OR2AT4: variants seen among roughly 807,000 people sequenced by gnomAD.
OR2AT4 encodes the protein olfactory receptor 2AT4.
In OR2AT4, 6 loss-of-function variants were observed where a neutral mutation model predicts 10.3. That is an observed-to-expected ratio of 0.58 (90% confidence interval 0.32 to 1.15). OR2AT4 has a LOEUF of 1.15. Ranked by LOEUF, OR2AT4 falls within the 50% of genes most tolerant of loss-of-function variation. The probability of loss-of-function intolerance (pLI) is 0.05; values close to 1 mark genes in which losing one functional copy is unlikely to be tolerated. For missense variants in OR2AT4, 354 were observed against 393.8 expected (o/e 0.90, Z 0.85); for synonymous variants, 145 against 159.1 (o/e 0.91, Z 0.67).
exon 2 of OR2AT4, chr11:75,086,635 A>G (rs1177892133): frequency 6.6e-6 from 1 of 152,224 alleles, no homozygotes; most frequent in South Asian, 2.1e-4. Flanking sequence ...TACAACCACA[A>G]TAAGATACCA....
intron 1 of OR2AT4, among the ~76,000 whole-genome samples, chr11:75,093,810 C>CTTTTTTTTTTTTTTTTTTTTTTTTTT (rs556380402): frequency 1.0e-3 from 63 of 61,830 alleles, no homozygotes; most frequent in Non-Finnish European, 1.2e-3. Context: ...TTTTCTTTTT[C>CTTTTTTTTTTTTTTTTTTTTTTTTTT]TTTTTTTTTT....
exon 2 of OR2AT4, chr11:75,088,289 T>A (rs1423632096): frequency 6.6e-6 from 1 of 152,582 alleles, no homozygotes; most frequent in African/African-American, 2.4e-5. Flanking sequence ...TTTTTCTACA[T>A]GCATATTGTC....
chr11:75,088,787 G>A (rs1359435596), exon 2 of OR2AT4: 2 of 1,584,560 alleles, frequency 1.3e-6, no homozygotes, highest in Non-Finnish European at 1.7e-6. Context: ...CTTGAGACAT[G>A]ATTTTGGTGA....
At chr11:75,090,049 T>C (rs1195664933) in exon 2 of OR2AT4, 1 of 245,328 alleles carries the variant, frequency 4.1e-6, no homozygotes, top group Non-Finnish European at 7.8e-6. Flanking sequence ...TATATTTTAC[T>C]GGGAAAATCA....
intron 1 of OR2AT4, among the ~76,000 whole-genome samples, chr11:75,095,903 C>A (rs1949347213): frequency 2.0e-5 from 3 of 152,122 alleles, no homozygotes; most frequent in Admixed American, 6.5e-5. Flanking sequence ...GTCTTGAAGT[C>A]CTGATCTCAA....
intron 1 of OR2AT4, among the ~76,000 whole-genome samples, chr11:75,091,191 G>A (rs1949318901): frequency 6.6e-6 from 1 of 152,180 alleles, no homozygotes; most frequent in Non-Finnish European, 1.5e-5. Context: ...AAAGAGAAGG[G>A]AGGAATCTGT....
At chr11:75,085,513 G>A (rs900616593) in exon 2 of OR2AT4, 2 of 151,992 alleles carry the variant, frequency 1.3e-5, no homozygotes, top group African/African-American at 4.8e-5. Context: ...ATTTTATGAG[G>A]CCAGCATTTA....
chr11:75,082,277 G>A (rs1033125256), exon 2 of OR2AT4: 36 of 152,186 alleles, frequency 2.4e-4, no homozygotes, highest in African/African-American at 7.7e-4. Flanking sequence ...TATGGGAAAA[G>A]GACTCCCTCT....
At chr11:75,089,069 G>C in exon 2 of OR2AT4, 1 of 1,614,036 alleles carries the variant, frequency 6.2e-7, no homozygotes, top group Non-Finnish European at 8.5e-7. Flanking sequence ...CCAGGAGAAG[G>C]GGGAGGAAGG....
chr11:75,087,823 T>C (rs1406151158), exon 2 of OR2AT4: 3 of 152,248 alleles, frequency 2.0e-5, no homozygotes, highest in Admixed American at 6.5e-5. Context: ...TTCTTTGAAC[T>C]ATGTAAAAAT....
chr11:75,095,023 C>A (rs189106870), intron 1 of OR2AT4, among the ~76,000 whole-genome samples: 4 of 152,310 alleles, frequency 2.6e-5, no homozygotes, highest in Admixed American at 2.6e-4. Flanking sequence ...CCGAGTTAGG[C>A]TGAATTGGGG....
chr11:75,089,136 G>A lies in OR2AT4; in HGVS notation c.578C>T (p.Ser193Phe), dbSNP rs201561815. The change falls in exon 2 of 2, where the codon TCC becomes TTC. Residue 193 changes from serine (S) to phenylalanine (F), a missense_variant. Ser to Phe is a radical substitution (Grantham distance 155). Coordinates refer to ENST00000641504, the Ensembl canonical transcript of OR2AT4. ...GGTCTGGGGGGTGGTGTCAGAGCAG[G>A]AGGCCTGGACCACAGCCAGATGATC... 1.9e-5 allele frequency: 30 copies of A among 1,614,016 alleles called. No homozygotes were observed. The highest frequency in any genetic ancestry group is 3.3e-5 in the Admixed American group (2 of 59,994).
At chr11:75,092,969 A>G (rs1368687541) in intron 1 of OR2AT4, among the ~76,000 whole-genome samples, 1 of 152,092 alleles carries the variant, frequency 6.6e-6, no homozygotes, top group African/African-American at 2.4e-5. Flanking sequence ...GCATGGTAGC[A>G]CACGCCTGTA....
At chr11:75,083,832 A>ATGG (rs1949277431) in exon 2 of OR2AT4, 1 of 152,266 alleles carries the variant, frequency 6.6e-6, no homozygotes, top group Non-Finnish European at 1.5e-5. Flanking sequence ...TTAGCTGGGC[A>ATGG]TGGTGGCACA....
At position 75,089,693 on chromosome 11, in the gene OR2AT4, A is replaced by AT; in HGVS notation, c.20dup (p.Asn7LysfsTer2). 6.2e-7 allele frequency: 1 copy of AT among 1,612,564 alleles called. No homozygotes were observed. The highest frequency in any genetic ancestry group is 1.1e-5 in the South Asian group (1 of 90,888). ...AGACGGGTGAGCCATCCACTGATTC[A>AT]TTACAGGCTGTGGCATCCATTGTGA... On this transcript the variant is annotated frameshift_variant, in exon 2 of 2. Transcript: ENST00000641504. LOFTEE classifies it high-confidence loss of function.
intron 1 of OR2AT4, among the ~76,000 whole-genome samples, chr11:75,095,056 C>G (rs55986601): frequency 2.0e-5 from 3 of 152,096 alleles, no homozygotes; most frequent in South Asian, 4.2e-4. Flanking sequence ...AATTCAGAGC[C>G]GTCAAGCCTG....
chr11:75,081,778 T>C (rs1949268527), exon 2 of OR2AT4: 2 of 152,118 alleles, frequency 1.3e-5, no homozygotes, highest in South Asian at 4.1e-4. Flanking sequence ...CCATTTATAA[T>C]AGCCACACAC....
At chr11:75,086,968 T>C (rs1949294292) in exon 2 of OR2AT4, 1 of 152,204 alleles carries the variant, frequency 6.6e-6, no homozygotes, top group Non-Finnish European at 1.5e-5. Flanking sequence ...ATGTAACCTT[T>C]TTAGATTGGC....
intron 1 of OR2AT4, among the ~76,000 whole-genome samples, chr11:75,095,438 T>A (rs759763417): frequency 1.8e-4 from 27 of 152,184 alleles, no homozygotes; most frequent in Non-Finnish European, 7.4e-5. Context: ...GAAGTTCCTG[T>A]GCTTCTGTTT....
Sources: allele counts gnomAD v4.1 joint callset (sites outside exome capture counted in the v4.1 genomes callset), GRCh38; gene constraint gnomAD v4.1.1; transcripts MANE v1.5; gene names NCBI Gene and HGNC (gene_info 2026-07-23, HGNC 2026-07-21).